The following TTLL1 variants were observed in gnomAD, a reference collection of about 807,000 sequenced individuals.
The protein encoded by TTLL1 is polyglutamylase complex subunit TTLL1.
In TTLL1, 33 loss-of-function variants were observed where a neutral mutation model predicts 47.8. That is an observed-to-expected ratio of 0.69 (90% CI 0.52 to 0.92). The LOEUF is 0.92. TTLL1 is among the 40% of genes least tolerant of loss of function. The pLI is 0.00. For synonymous variants in TTLL1, 225 were observed against 214.1 expected, an observed-to-expected ratio of 1.05 and a Z score of -0.45; for missense variants, 488 against 547.5, an observed-to-expected ratio of 0.89 and a Z score of 1.08.
chr22:43,054,939 T>C (rs1926900116), intron 8 of TTLL1, among the ~76,000 whole-genome samples: 1 of 151,726 alleles, frequency 6.6e-6, no homozygotes, highest in Admixed American at 6.6e-5. Flanking sequence ...TTAGCCAGGA[T>C]GGTCTTGATC....
chr22:43,061,104 C>A (rs1158729117), intron 7 of TTLL1, among the ~76,000 whole-genome samples: 1 of 152,084 alleles, frequency 6.6e-6, no homozygotes, highest in Non-Finnish European at 1.5e-5. Flanking sequence ...GCAGAAGAAT[C>A]GCTTGAACCC....
In TTLL1 at chr22:43,051,836, T is replaced by C; in HGVS notation, c.943A>G (p.Ile315Val). 6.2e-7 allele frequency: 1 copy of C among 1,614,052 alleles called. No homozygotes were observed. Among genetic ancestry groups the C allele is most frequent in the Non-Finnish European group, 8.5e-7 (1 of 1,180,008 alleles). Residue 315 changes from isoleucine to valine, a missense_variant, in exon 9 of 11, where the codon ATC (isoleucine) becomes GTC (valine). By Grantham distance (29) the Ile-to-Val change is conservative. Coordinates refer to ENST00000266254, the MANE Select transcript of TTLL1 (RefSeq NM_012263.5). ...HCFECYGYDI[I>V]IDDKLKPWLI... The stretch of plus-strand genomic sequence containing the variant: ...CAGGGCTTCAGCTTGTCGTCGATGA[T>C]GATGTCGTAGCCATAGCATTCAAAG...
intron 7 of TTLL1, 33 bp from the exon 8 acceptor site, chr22:43,059,560 G>A (rs1310964158): frequency 6.3e-7 from 1 of 1,599,498 alleles, no homozygotes; most frequent in South Asian, 1.1e-5. Context: ...GCATCCCTCA[G>A]GCTATGCACC....
At chr22:43,057,098 T>C (rs1927066839) in intron 8 of TTLL1, among the ~76,000 whole-genome samples, 1 of 151,866 alleles carries the variant, frequency 6.6e-6, no homozygotes, top group South Asian at 2.1e-4. Flanking sequence ...GGTGAAACTC[T>C]GTCAGTACTA....
intron 7 of TTLL1, among the ~76,000 whole-genome samples, chr22:43,063,095 G>GT (rs764137173): frequency 1.3e-5 from 2 of 152,164 alleles, no homozygotes; most frequent in Non-Finnish European, 2.9e-5. Context: ...TTGAAAAATT[G>GT]TAAGTTGAGG....
In TTLL1 at chr22:43,051,839, T is replaced by C; in HGVS notation, c.940A>G (p.Ile314Val). ...KHCFECYGYD[I>V]IIDDKLKPWL... Reference sequence around the variant, plus strand: ...GGCTTCAGCTTGTCGTCGATGATGATGTCGTAGCCATAGCATTCAAAGCAG... The same window carrying C: ...GGCTTCAGCTTGTCGTCGATGATGACGTCGTAGCCATAGCATTCAAAGCAG... Residue 314 changes from isoleucine (I) to valine (V), a missense_variant, in exon 9 of 11, where the codon ATC becomes GTC. Coordinates refer to ENST00000266254, the MANE Select transcript of TTLL1 (RefSeq NM_012263.5). 2 of 1,614,020 alleles carry C rather than the reference T, an allele frequency of 1.2e-6. No homozygotes were observed. Among genetic ancestry groups the C allele is most frequent in the Non-Finnish European group, 1.7e-6 (2 of 1,180,008 alleles).
At chr22:43,054,951 T>C (rs5751421) in intron 8 of TTLL1, among the ~76,000 whole-genome samples, 34,956 of 150,568 alleles carry the variant, frequency 0.23, 6,154 homozygotes, top group East Asian at 0.71. Flanking sequence ...GTCTTGATCT[T>C]CTGACCTTGT....
At chr22:43,063,654 C>T (rs1160852219) in intron 7 of TTLL1, among the ~76,000 whole-genome samples, 159 bp downstream of exon 7, 1 of 151,806 alleles carries the variant, frequency 6.6e-6, no homozygotes, top group East Asian at 1.9e-4. Context: ...TTAGTAGAGA[C>T]AGGGTTTCAT....
intron 1 of TTLL1, among the ~76,000 whole-genome samples, chr22:43,083,324 G>C (rs1159074851): frequency 7.2e-5 from 11 of 152,126 alleles, no homozygotes; most frequent in Admixed American, 3.9e-4. Flanking sequence ...AGCCAAGATT[G>C]CACCACTGCA....
intron 5 of TTLL1, among the ~76,000 whole-genome samples, chr22:43,064,943 C>T (rs5996264): frequency 0.087 from 13,143 of 151,790 alleles, 800 homozygotes; most frequent in African/African-American, 0.16. Flanking sequence ...GTCAGGAGTT[C>T]GAGACCAGCC....
intron 2 of TTLL1, among the ~76,000 whole-genome samples, chr22:43,077,126 G>A (rs1036696240): frequency 2.0e-5 from 3 of 151,818 alleles, no homozygotes; most frequent in Admixed American, 1.3e-4. Context: ...TTTATCTGAC[G>A]ACATCACTCC....
chr22:43,041,526 T>TAA (rs1206076169), intron 10 of TTLL1, among the ~76,000 whole-genome samples: 2 of 122,624 alleles, frequency 1.6e-5, no homozygotes, highest in African/African-American at 6.3e-5. Flanking sequence ...AAGCATTTTC[T>TAA]GATTCCTTTT....
At chr22:43,069,932 C>T in intron 3 of TTLL1, 88 bp from the exon 4 acceptor site, 1 of 1,528,050 alleles carries the variant, frequency 6.5e-7, no homozygotes, top group Non-Finnish European at 8.8e-7. Context: ...ACCCTGAACC[C>T]TCAGCACCCT....
intron 3 of TTLL1, among the ~76,000 whole-genome samples, chr22:43,071,178 A>C (rs1408036895): frequency 2.0e-5 from 3 of 151,424 alleles, no homozygotes. Flanking sequence ...CAGCCTCCCA[A>C]AGTGCTGCAG....
At chr22:43,062,850 T>C (rs887864941) in intron 7 of TTLL1, among the ~76,000 whole-genome samples, 4 of 152,100 alleles carry the variant, frequency 2.6e-5, no homozygotes, top group Non-Finnish European at 4.4e-5. Context: ...AAGTGCGTTT[T>C]CTATACCTAA....
At chr22:43,069,487 G>A in intron 4 of TTLL1, 149 bp downstream of exon 4, 2 of 1,400,538 alleles carry the variant, frequency 1.4e-6, no homozygotes, top group East Asian at 4.7e-5. Flanking sequence ...CCCTCATTCT[G>A]GAGACACCTG....
intron 5 of TTLL1, among the ~76,000 whole-genome samples, chr22:43,066,773 T>C (rs572932924): frequency 3.7e-4 from 56 of 151,876 alleles, no homozygotes; most frequent in African/African-American, 1.3e-3. Flanking sequence ...GTGGATCACT[T>C]GAGGTCAAGA....
Position 43,046,491 on chromosome 22 carries a change from ATGTTGAG to A in TTLL1, c.1054_1060del (p.Leu352SerfsTer43), listed in dbSNP as rs1926140180. 1 of 1,613,870 alleles carries A rather than the reference ATGTTGAG, an allele frequency of 6.2e-7. No homozygotes were observed. Among genetic ancestry groups the A allele is most frequent in the African/African-American group, 1.3e-5 (1 of 74,858 alleles). On this transcript the variant is annotated frameshift_variant, in exon 10 of 11. Coordinates refer to ENST00000266254, the MANE Select transcript of TTLL1 (RefSeq NM_012263.5). LOFTEE classifies it high-confidence loss of function. ...TGGGATTTCACCATTCGGGACGGCG[ATGTTGAG>A]GGTGTCATTAATCAGGTTGTACTTG... is the stretch of plus-strand genomic sequence containing the variant.
chr22:43,052,643 G>C (rs11703027), intron 8 of TTLL1, among the ~76,000 whole-genome samples: 14,260 of 152,098 alleles, frequency 0.094, 1,184 homozygotes, highest in East Asian at 0.3. Flanking sequence ...CGGGACAGCT[G>C]GAGGCTGGGA....
Sources: gnomAD v4.1 joint callset for allele counts (sites outside exome capture counted in the v4.1 genomes callset) on GRCh38, gnomAD v4.1.1 for gene constraint, MANE v1.5 for transcripts, NCBI Gene and HGNC (gene_info 2026-07-23, HGNC 2026-07-21) for gene names.